Variants in NEGR1 observed in about 807,000 individuals in gnomAD.
The protein encoded by NEGR1 is IgLON family member 4.
Under a neutral mutation model 40.9 loss-of-function variants are expected in NEGR1, and 10 were observed. The observed-to-expected ratio is 0.24, with a 90% CI of 0.15 to 0.42. The LOEUF (loss-of-function observed/expected upper bound fraction) is 0.42, where lower values mean the gene tolerates loss of function less well. Among genes scored for constraint, NEGR1 ranks in the 10% least tolerant of loss-of-function variants. The pLI, the probability that NEGR1 is intolerant of heterozygous loss-of-function variation, is 1.00. For synonymous variants in NEGR1, 185 were observed against 166.8 expected, an observed-to-expected ratio of 1.11 and a Z score of -0.84; for missense variants, 352 against 438.9, an observed-to-expected ratio of 0.80 and a Z score of 1.77.
At chr1:71,919,073 A>C (rs1250502804) in intron 2 of NEGR1, among the ~76,000 whole-genome samples, 1 of 152,212 alleles carries the variant, frequency 6.6e-6, no homozygotes, top group Non-Finnish European at 1.5e-5. Context: ...AGTTGAATGA[A>C]TACCTCCACC....
chr1:71,906,903 G>T (rs913190358), intron 2 of NEGR1, among the ~76,000 whole-genome samples: 1 of 152,074 alleles, frequency 6.6e-6, no homozygotes, highest in South Asian at 2.1e-4. Flanking sequence ...ATAGTCTTGA[G>T]GAAATCAGCT....
chr1:71,479,161 C>T (rs1646839453), intron 6 of NEGR1, among the ~76,000 whole-genome samples: 1 of 151,894 alleles, frequency 6.6e-6, no homozygotes, highest in Non-Finnish European at 1.5e-5. Flanking sequence ...CATAAAGAAC[C>T]TCACCAGTCT....
intron 2 of NEGR1, among the ~76,000 whole-genome samples, chr1:71,881,495 A>G (rs1212214152): frequency 6.6e-6 from 1 of 152,034 alleles, no homozygotes; most frequent in Non-Finnish European, 1.5e-5. Flanking sequence ...CTACATCTAC[A>G]TTTTCCTAAC....
intron 1 of NEGR1, among the ~76,000 whole-genome samples, chr1:72,257,951 ATT>A (rs1655329475): frequency 6.6e-6 from 1 of 152,150 alleles, no homozygotes; most frequent in Non-Finnish European, 1.5e-5. Flanking sequence ...TATTTTAGTC[ATT>A]GTTTTATGGC....
intron 4 of NEGR1, among the ~76,000 whole-genome samples, chr1:71,613,478 C>G (rs970573654): frequency 1.3e-5 from 2 of 151,872 alleles, no homozygotes; most frequent in South Asian, 4.2e-4. Context: ...GAAACCCCGT[C>G]TCTACTAAAA....
Position 71,399,036 on chromosome 1 carries a change from A to G in NEGR1, c.*8410T>C, listed in dbSNP as rs1342658759. The G allele has an allele frequency of 6.6e-6, 1 of 152,492 alleles. No homozygotes were observed. Among genetic ancestry groups the G allele is most frequent in the Non-Finnish European group, 1.5e-5 (1 of 68,218 alleles). 9.4% of individuals were successfully genotyped at this position (152,492 alleles called of 1,614,324 possible). A position where few individuals can be genotyped will look rare whatever the true frequency, so the allele number is the denominator to read the frequency against. ...GTCCAAAAAAACCTCTTTCTTTTGC[A>G]TATTGCCCTGTCTCGGGTATATCTT... On this transcript the variant is annotated 3_prime_UTR_variant, in exon 7 of 7. Coordinates refer to ENST00000357731, the MANE Select transcript of NEGR1 (RefSeq NM_173808.3).
chr1:71,860,781 T>C (rs1400452734), intron 2 of NEGR1, among the ~76,000 whole-genome samples: 1 of 152,002 alleles, frequency 6.6e-6, no homozygotes, highest in Non-Finnish European at 1.5e-5. Context: ...TATGTACAGA[T>C]GAAAAAATAA....
At chr1:72,014,082 G>T (rs543188435) in intron 1 of NEGR1, among the ~76,000 whole-genome samples, 1 of 150,308 alleles carries the variant, frequency 6.7e-6, no homozygotes, top group Non-Finnish European at 1.5e-5. Context: ...TCTGGGGAAG[G>T]TTAAAGAAAA....
chr1:71,647,952 A>T (rs1482490137), intron 4 of NEGR1, among the ~76,000 whole-genome samples: 1 of 151,992 alleles, frequency 6.6e-6, no homozygotes, highest in Admixed American at 6.6e-5. Context: ...TATCCACAAA[A>T]GCATAAACAG....
chr1:71,956,739 A>T (rs1324211618), intron 1 of NEGR1, among the ~76,000 whole-genome samples: 1 of 152,134 alleles, frequency 6.6e-6, no homozygotes, highest in East Asian at 1.9e-4. Flanking sequence ...CTAAAGTCTA[A>T]CTACAGAACA....
intron 1 of NEGR1, among the ~76,000 whole-genome samples, chr1:72,205,573 A>C (rs1216040978): frequency 6.7e-6 from 1 of 150,180 alleles, no homozygotes; most frequent in Non-Finnish European, 1.5e-5. Flanking sequence ...TAATCAACTT[A>C]AACTTTACAC....
chr1:72,229,237 A>T (rs2100495309), intron 1 of NEGR1, among the ~76,000 whole-genome samples: 1 of 151,754 alleles, frequency 6.6e-6, no homozygotes, highest in African/African-American at 2.4e-5. Context: ...TACTACAATG[A>T]TTAGGTTGAT....
At chr1:72,061,287 T>C (rs189826722) in intron 1 of NEGR1, among the ~76,000 whole-genome samples, 1 of 151,938 alleles carries the variant, frequency 6.6e-6, no homozygotes, top group East Asian at 1.9e-4. Flanking sequence ...CTGACTGTAT[T>C]GATGGTCTAA....
At chr1:71,654,054 C>G (rs962809179) in intron 4 of NEGR1, among the ~76,000 whole-genome samples, 4 of 152,018 alleles carry the variant, frequency 2.6e-5, no homozygotes, top group Non-Finnish European at 2.9e-5. Flanking sequence ...TGGGGAGGAA[C>G]CTTCAAGTCA....
chr1:71,450,195 T>C (rs545077226), intron 6 of NEGR1, among the ~76,000 whole-genome samples: 1 of 151,938 alleles, frequency 6.6e-6, no homozygotes, highest in East Asian at 2.0e-4. Context: ...TTCACCATGT[T>C]GGTTAGGTTT....
chr1:71,687,009 G>A (rs577906528), intron 4 of NEGR1, among the ~76,000 whole-genome samples: 97 of 152,280 alleles, frequency 6.4e-4, no homozygotes, highest in African/African-American at 2.3e-3. Flanking sequence ...TACACTAGCT[G>A]GTTATACTAA....
chr1:71,595,531 C>T (rs942965877), intron 5 of NEGR1, among the ~76,000 whole-genome samples: 2 of 152,078 alleles, frequency 1.3e-5, no homozygotes, highest in African/African-American at 2.4e-5. Context: ...TTGTGATTTT[C>T]CTGGAGAGTT....
chr1:72,008,028 A>G (rs769076772), intron 1 of NEGR1, among the ~76,000 whole-genome samples: 87 of 152,160 alleles, frequency 5.7e-4, no homozygotes, highest in Admixed American at 1.6e-3. Context: ...TAAATATTAC[A>G]TTTTTTGTTT....
At chr1:71,439,339 C>A (rs1162676877) in intron 6 of NEGR1, among the ~76,000 whole-genome samples, 1 of 152,058 alleles carries the variant, frequency 6.6e-6, no homozygotes, top group East Asian at 1.9e-4. Flanking sequence ...CACCGTATGT[C>A]CTTTCCTTCA....
Sources: gnomAD v4.1 joint callset for allele counts (sites outside exome capture counted in the v4.1 genomes callset) on GRCh38, gnomAD v4.1.1 for gene constraint, MANE v1.5 for transcripts, NCBI Gene and HGNC (gene_info 2026-07-23, HGNC 2026-07-21) for gene names.